Variants in LIN28B observed in about 807,000 individuals in gnomAD.
The protein encoded by LIN28B is lin-28 RNA binding posttranscriptional regulator B, also known as protein lin-28 homolog B.
In LIN28B, 5 loss-of-function variants were observed where a neutral mutation model predicts 21.9. The ratio of observed to expected loss-of-function variants is 0.23; its 90% CI spans 0.12 to 0.48. The LOEUF is 0.48. Ranked by LOEUF, LIN28B falls within the 20% of genes least tolerant of loss-of-function variation. The probability of loss-of-function intolerance (pLI) is 0.98; values close to 1 mark genes in which losing one functional copy is unlikely to be tolerated. For synonymous variants in LIN28B, 109 were observed against 111.3 expected (o/e 0.98, Z 0.13); for missense variants, 245 against 310.5 (o/e 0.79, Z 1.58).
intron 2 of LIN28B, among the ~76,000 whole-genome samples, chr6:104,962,056 A>G (rs1044151558): frequency 1.3e-5 from 2 of 152,118 alleles, no homozygotes; most frequent in Non-Finnish European, 1.5e-5. Flanking sequence ...AATAAGATGA[A>G]ATGATCATTT....
At chr6:105,074,434 G>A (rs1030364422) in intron 3 of LIN28B, among the ~76,000 whole-genome samples, 6 of 152,058 alleles carry the variant, frequency 3.9e-5, no homozygotes, top group Non-Finnish European at 7.4e-5. Context: ...TCCTGACCTC[G>A]TGATCTGCCC....
intron 1 of LIN28B, among the ~76,000 whole-genome samples, chr6:104,957,666 T>G (rs1384476676): frequency 6.6e-6 from 1 of 152,142 alleles, no homozygotes; most frequent in African/African-American, 2.4e-5. Flanking sequence ...CCCATGTGCC[T>G]TAACTAGTAG....
intron 2 of LIN28B, among the ~76,000 whole-genome samples, chr6:105,011,178 T>A (rs1770915304): frequency 6.6e-6 from 1 of 152,260 alleles, no homozygotes; most frequent in Non-Finnish European, 1.5e-5. Flanking sequence ...TTTCCCTAAC[T>A]AACATCAGTG....
chr6:104,940,250 T>G (rs574314695), intron 2 of LIN28B: 1 of 168,204 alleles, frequency 5.9e-6, no homozygotes, highest in Admixed American at 6.5e-5. Context: ...GCTTCAGATA[T>G]GATTTTGTTA....
At chr6:105,001,883 G>A (rs1770727653) in intron 2 of LIN28B, among the ~76,000 whole-genome samples, 1 of 152,156 alleles carries the variant, frequency 6.6e-6, no homozygotes, top group Admixed American at 6.5e-5. Context: ...TCAAATATTA[G>A]AAAGTGGGGA....
intron 3 of LIN28B, among the ~76,000 whole-genome samples, chr6:105,027,489 T>G (rs1771310652): frequency 6.6e-6 from 1 of 152,032 alleles, no homozygotes; most frequent in African/African-American, 2.4e-5. Context: ...TTGAGATGTT[T>G]GTTTGTTATT....
At chr6:104,979,675 TTTTC>T in intron 2 of LIN28B, among the ~76,000 whole-genome samples, 1 of 152,254 alleles carries the variant, frequency 6.6e-6, no homozygotes, top group Non-Finnish European at 1.5e-5. Context: ...TAACTTTCAA[TTTTC>T]TTTGTCAAAT....
At chr6:105,011,510 A>T (rs1770922129) in intron 2 of LIN28B, among the ~76,000 whole-genome samples, 1 of 152,134 alleles carries the variant, frequency 6.6e-6, no homozygotes, top group Admixed American at 6.5e-5. Flanking sequence ...CTCTCTTGTT[A>T]ATGCAACCCT....
At chr6:105,074,677 G>A (rs552081111) in intron 3 of LIN28B, among the ~76,000 whole-genome samples, 7 of 152,076 alleles carry the variant, frequency 4.6e-5, no homozygotes, top group South Asian at 2.1e-4. Flanking sequence ...CTTGATAACC[G>A]TCTAAGATTA....
intron 3 of LIN28B, among the ~76,000 whole-genome samples, chr6:105,040,627 A>C (rs1157061531): frequency 6.6e-6 from 1 of 152,048 alleles, no homozygotes; most frequent in African/African-American, 2.4e-5. Context: ...TCTTACTAAT[A>C]AGTGTGCATG....
intron 3 of LIN28B, among the ~76,000 whole-genome samples, chr6:104,950,805 CAG>C (rs1338675006): frequency 6.6e-6 from 1 of 151,498 alleles, no homozygotes. Context: ...GCATAGATAA[CAG>C]ATATTTAAAT....
At chr6:104,999,933 C>T (rs1017599018) in intron 2 of LIN28B, among the ~76,000 whole-genome samples, 2 of 152,104 alleles carry the variant, frequency 1.3e-5, no homozygotes, top group East Asian at 3.9e-4. Flanking sequence ...CCGCCTGCCT[C>T]GGCCTCCCAA....
At chr6:105,001,418 T>C (rs1291311506) in intron 2 of LIN28B, among the ~76,000 whole-genome samples, 2 of 152,268 alleles carry the variant, frequency 1.3e-5, no homozygotes, top group Non-Finnish European at 2.9e-5. Context: ...TATTTTCTTA[T>C]CTACGACCTT....
At chr6:104,982,698 G>A (rs545191041) in intron 2 of LIN28B, among the ~76,000 whole-genome samples, 2 of 151,964 alleles carry the variant, frequency 1.3e-5, no homozygotes, top group African/African-American at 2.4e-5. Flanking sequence ...ATTGGCTGAC[G>A]GTAATCTGTA....
Position 105,039,608 on chromosome 6 carries a change from G to A in LIN28B, c.383+13126G>A, listed in dbSNP as rs75798833. On this transcript the variant is annotated intron_variant, in intron 3 of 3. Transcript: ENST00000345080. ...AAAACATGATAAACCCTAAATTCAT[G>A]AGAGTACTTACTCTTAAGAGGCAGA... 6.3e-3 allele frequency among the ~76,000 whole-genome samples: 955 copies of A among 152,272 alleles called. 9 individuals are homozygous for A. Among genetic ancestry groups the A allele is most frequent in the Non-Finnish European group, 9.8e-3 (667 of 67,994 alleles).
At chr6:105,041,636 G>T (rs188761535) in intron 3 of LIN28B, among the ~76,000 whole-genome samples, 1 of 152,132 alleles carries the variant, frequency 6.6e-6, no homozygotes, top group African/African-American at 2.4e-5. Flanking sequence ...CTGACTGGAG[G>T]TATAGTGGTC....
At chr6:104,974,955 G>T (rs1770056704) in intron 2 of LIN28B, among the ~76,000 whole-genome samples, 1 of 152,112 alleles carries the variant, frequency 6.6e-6, no homozygotes, top group East Asian at 1.9e-4. Context: ...AAGTAGCTGG[G>T]ATTACAGGCA....
In LIN28B at chr6:105,015,645, A is replaced by T. The variant is rs557301211; in HGVS notation, c.199-10653A>T. 6.6e-5 allele frequency among the ~76,000 whole-genome samples: 10 copies of T among 152,244 alleles called. No individual in the cohort carries two copies. In the South Asian group the frequency reaches 2.1e-3, roughly 32 times the overall value. ...CTGTCTGTGTTAATATGATATTTTTAAAATTCCATTTTAGTTTATCCACTG... is the reference window on the plus strand; with the variant it reads ...CTGTCTGTGTTAATATGATATTTTTTAAATTCCATTTTAGTTTATCCACTG... On this transcript the variant is annotated intron_variant, in intron 2 of 3. Transcript: ENST00000345080.
chr6:104,941,776 A>T (rs765542827), intron 2 of LIN28B, among the ~76,000 whole-genome samples: 5 of 152,134 alleles, frequency 3.3e-5, no homozygotes, highest in Non-Finnish European at 7.3e-5. Flanking sequence ...AGGAAATGAT[A>T]CGTTTGCAGG....
Sources: allele counts gnomAD v4.1 joint callset (sites outside exome capture counted in the v4.1 genomes callset), GRCh38; gene constraint gnomAD v4.1.1; transcripts MANE v1.5; gene names NCBI Gene and HGNC (gene_info 2026-07-23, HGNC 2026-07-21).